Variants in ZFYVE1 observed in about 807,000 individuals in gnomAD.
ZFYVE1 encodes zinc finger FYVE domain-containing protein 1.
In ZFYVE1, 30 loss-of-function variants were observed where a neutral mutation model predicts 74.4. The ratio of observed to expected loss-of-function variants is 0.40; its 90% CI spans 0.30 to 0.55. The LOEUF (loss-of-function observed/expected upper bound fraction) is 0.55. ZFYVE1 is among the 20% of genes least tolerant of loss of function. The pLI is 0.42. For missense variants in ZFYVE1, 703 were observed against 1,011.6 expected (o/e 0.69, Z 4.14); for synonymous variants, 335 against 385.1 (o/e 0.87, Z 1.52).
At chr14:72,988,011 T>C (rs754203895) in intron 4 of ZFYVE1, among the ~76,000 whole-genome samples, 1 of 152,194 alleles carries the variant, frequency 6.6e-6, no homozygotes, top group Non-Finnish European at 1.5e-5. Context: ...CATATGTGCA[T>C]GCATGTGTGC....
intron 8 of ZFYVE1, among the ~76,000 whole-genome samples, chr14:72,977,266 G>C (rs1158914596): frequency 6.6e-6 from 1 of 151,956 alleles, no homozygotes; most frequent in Non-Finnish European, 1.5e-5. Flanking sequence ...AATTAGCCGG[G>C]CGTGGCGGTC....
intron 8 of ZFYVE1, among the ~76,000 whole-genome samples, chr14:72,977,108 G>T (rs1252198759): frequency 6.6e-6 from 1 of 152,164 alleles, no homozygotes; most frequent in African/African-American, 2.4e-5. Flanking sequence ...GAATTCAAAA[G>T]TTAAAAAATA....
At chr14:73,017,981 C>T (rs1015219375) in intron 2 of ZFYVE1, among the ~76,000 whole-genome samples, 4 of 152,222 alleles carry the variant, frequency 2.6e-5, no homozygotes, top group Admixed American at 6.5e-5. Context: ...CTTCCCTCTG[C>T]ACCTCTTCCC....
chr14:73,019,702 C>T (rs553064944), intron 2 of ZFYVE1, among the ~76,000 whole-genome samples: 1 of 152,216 alleles, frequency 6.6e-6, no homozygotes, highest in African/African-American at 2.4e-5. Context: ...GCCTGTAATC[C>T]CAGCACTTTG....
rs1893106875 is a variant in ZFYVE1, at chr14:72,974,204, T to C, written c.1988-11A>G. The C allele has an allele frequency of 6.2e-7, 1 of 1,612,022 alleles. No individual in the cohort carries two copies. ...GTGCCTCGGTAACAGCTGTAGACAG[T>C]AATAAAGGAAATGCTGTCACCTCTA... On this transcript the variant is annotated splice_polypyrimidine_tract_variant and intron_variant, in intron 10 of 11. Transcript: ENST00000556143.
intron 2 of ZFYVE1, among the ~76,000 whole-genome samples, chr14:73,011,279 G>A (rs1594860033): frequency 6.6e-6 from 1 of 151,740 alleles, no homozygotes; most frequent in Non-Finnish European, 1.5e-5. Context: ...GAGGCCAGGA[G>A]GTTCGAGACC....
intron 2 of ZFYVE1, among the ~76,000 whole-genome samples, chr14:73,007,171 C>G (rs1893998691): frequency 6.6e-6 from 1 of 152,028 alleles, no homozygotes; most frequent in Non-Finnish European, 1.5e-5. Flanking sequence ...CGGCTCTGTT[C>G]CAAGGAGGCC....
In ZFYVE1 at chr14:72,983,340, T is replaced by C. The variant is rs563868510; in HGVS notation, c.1204-1445A>G. ...TTAGGTGTATCTCCTAATGCTATCCTTCCCCCCTCCCCCCCACCCCACCAC... is the reference window on the plus strand; with the variant it reads ...TTAGGTGTATCTCCTAATGCTATCCCTCCCCCCTCCCCCCCACCCCACCAC... On this transcript the variant is annotated intron_variant, in intron 4 of 11. Coordinates refer to ENST00000556143, the MANE Select transcript of ZFYVE1 (RefSeq NM_021260.4). Among the ~76,000 whole-genome samples, 413 of 146,242 alleles carry C rather than the reference T, an allele frequency of 2.8e-3. 2 individuals are homozygous for C. Among genetic ancestry groups the C allele is most frequent in the Middle Eastern group, 6.9e-3 (2 of 288 alleles).
intron 2 of ZFYVE1, among the ~76,000 whole-genome samples, chr14:73,009,129 T>C (rs1016370389): frequency 1.1e-4 from 16 of 152,196 alleles, no homozygotes; most frequent in Non-Finnish European, 2.1e-4. Flanking sequence ...GCACAAAATG[T>C]CTAGACGCTA....
chr14:73,007,978 A>C lies in ZFYVE1; in HGVS notation c.484-9663T>G, dbSNP rs573963725. 1.1e-3 allele frequency among the ~76,000 whole-genome samples: 173 copies of C among 152,318 alleles called. 2 individuals are homozygous for C. In the South Asian group the frequency reaches 0.028, roughly 24 times the overall value. Reference sequence around the variant, plus strand: ...GGTTGGTCTCACAAACACACTGAGCACATTTGGCAGGGGCAAAGATCACTT... The same window carrying C: ...GGTTGGTCTCACAAACACACTGAGCCCATTTGGCAGGGGCAAAGATCACTT... On this transcript the variant is annotated intron_variant, in intron 2 of 11. Coordinates refer to ENST00000556143, the MANE Select transcript of ZFYVE1 (RefSeq NM_021260.4).
chr14:72,987,797 C>G (rs1893516015), intron 4 of ZFYVE1, among the ~76,000 whole-genome samples: 1 of 152,024 alleles, frequency 6.6e-6, no homozygotes, highest in South Asian at 2.1e-4. Flanking sequence ...TATTGTGGAC[C>G]CTGAGCAAAG....
At chr14:72,971,962 CTA>C in intron 11 of ZFYVE1, among the ~76,000 whole-genome samples, 1 of 152,292 alleles carries the variant, frequency 6.6e-6, no homozygotes, top group South Asian at 2.1e-4. Context: ...TGGCTCACAC[CTA>C]TAATCCCAGC....
chr14:72,971,252 AG>A (rs1893027542), intron 11 of ZFYVE1, 138 bp from the exon 12 acceptor site: 2 of 855,928 alleles, frequency 2.3e-6, no homozygotes, highest in African/African-American at 3.4e-5. Context: ...TTAAAAATGC[AG>A]AAGCCCAGGC....
intron 5 of ZFYVE1, among the ~76,000 whole-genome samples, chr14:72,981,145 C>T (rs1371244687): frequency 4.6e-5 from 7 of 152,290 alleles, no homozygotes; most frequent in East Asian, 3.9e-4. Context: ...ATTGAAGTTT[C>T]GGAAGCACTG....
At chr14:73,012,733 C>A (rs2140381924) in intron 2 of ZFYVE1, among the ~76,000 whole-genome samples, 1 of 152,258 alleles carries the variant, frequency 6.6e-6, no homozygotes, top group East Asian at 1.9e-4. Context: ...GTCATTTAAT[C>A]TGAGTTTTCA....
chr14:72,969,658 C>G lies in ZFYVE1; in HGVS notation c.*1224G>C. 1 of 698,860 alleles carries G rather than the reference C, an allele frequency of 1.4e-6. No individual in the cohort carries two copies. The highest frequency in any genetic ancestry group is 2.6e-6 in the Non-Finnish European group (1 of 383,902). 43.3% of individuals were successfully genotyped at this position (698,860 alleles called of 1,614,324 possible). A position where few individuals can be genotyped will look rare whatever the true frequency, so the allele number is the denominator to read the frequency against. The stretch of plus-strand genomic sequence containing the variant: ...CCCACCAGTTCAGTTAAGAATTATA[C>G]TTTAATTCGTGTTTGGCCACTGAAG... On this transcript the variant is annotated 3_prime_UTR_variant, in exon 12 of 12. Transcript: ENST00000556143.
Position 72,981,776 on chromosome 14 carries a change from C to A in ZFYVE1, c.1310+13G>T, listed in dbSNP as rs940322794. The A allele has an allele frequency of 6.2e-7, 1 of 1,611,666 alleles. No individual in the cohort carries two copies. The highest frequency in any genetic ancestry group is 2.2e-5 in the East Asian group (1 of 44,860). On this transcript the variant is annotated intron_variant, in intron 5 of 11. Coordinates refer to ENST00000556143, the MANE Select transcript of ZFYVE1 (RefSeq NM_021260.4). ...AGGTATGGGGTGGGAGGTGGGGGAG[C>A]GGCCTTACTTACCCACAGCTGAGGC...
chr14:73,018,430 C>CAAA (rs397853346), intron 2 of ZFYVE1, among the ~76,000 whole-genome samples: 102 of 55,880 alleles, frequency 1.8e-3, no homozygotes, highest in East Asian at 5.7e-3. Context: ...GACTCCATCT[C>CAAA]AAAAAAAAAA....
intron 8 of ZFYVE1, among the ~76,000 whole-genome samples, chr14:72,976,262 T>C (rs76330785): frequency 0.028 from 4,209 of 152,272 alleles, 177 homozygotes; most frequent in African/African-American, 0.094. Flanking sequence ...ATCTGTATCC[T>C]CCTAATTTCG....
Sources: gnomAD v4.1 joint callset for allele counts (sites outside exome capture counted in the v4.1 genomes callset) on GRCh38, gnomAD v4.1.1 for gene constraint, MANE v1.5 for transcripts, NCBI Gene and HGNC (gene_info 2026-07-23, HGNC 2026-07-21) for gene names.